The following DNAH7 variants were observed in gnomAD, a reference collection of about 807,000 sequenced individuals.
DNAH7 encodes dynein axonemal heavy chain 7.
A neutral mutation model predicts 444.6 loss-of-function variants in DNAH7; 397 were observed. That is an observed-to-expected ratio of 0.89 (90% CI 0.82 to 0.97). The LOEUF is 0.97. DNAH7 is among the 50% of genes least tolerant of loss of function. The pLI, the probability that DNAH7 is intolerant of heterozygous loss-of-function variation, is 0.00. For missense variants in DNAH7, 4,902 were observed against 4,800.8 expected (o/e 1.02, Z -0.62); for synonymous variants, 1,636 against 1,624.4 (o/e 1.01, Z -0.17).
chr2:195,959,156 T>C (rs1690903679), intron 18 of DNAH7, among the ~76,000 whole-genome samples: 1 of 152,180 alleles, frequency 6.6e-6, no homozygotes, highest in African/African-American at 2.4e-5. Context: ...ATCATTTAAG[T>C]GGTGCTCTGT....
At chr2:195,800,507 A>G (rs1267480797) in intron 54 of DNAH7, among the ~76,000 whole-genome samples, 3 of 152,336 alleles carry the variant, frequency 2.0e-5, no homozygotes, top group Non-Finnish European at 4.4e-5. Context: ...AATATATAGC[A>G]AAGCAAGGAA....
Position 195,965,528 on chromosome 2 carries a change from GAGT to G in DNAH7, c.2205+4417_2205+4419del, listed in dbSNP as rs575059938. 3.9e-4 allele frequency among the ~76,000 whole-genome samples: 59 copies of G among 152,254 alleles called. No individual in the cohort carries two copies. The South Asian group carries it at 0.012, about 32-fold the overall frequency. ...TCTCCTATATTTTTCAGAATAGTTTGAGTAGGATTGACATTAGTTCTTTTGTAA... is the reference window on the plus strand; with the variant it reads ...TCTCCTATATTTTTCAGAATAGTTTGAGGATTGACATTAGTTCTTTTGTAA... On this transcript the variant is annotated intron_variant, in intron 17 of 64. Coordinates refer to ENST00000312428, the MANE Select transcript of DNAH7 (RefSeq NM_018897.3).
intron 48 of DNAH7, among the ~76,000 whole-genome samples, chr2:195,824,732 G>T (rs543925848): frequency 2.0e-5 from 3 of 152,122 alleles, no homozygotes. Context: ...TTCACCAGGC[G>T]CCCAGGTATT....
chr2:195,946,662 CCTCA>C (rs1334728640), intron 19 of DNAH7, among the ~76,000 whole-genome samples: 1 of 152,020 alleles, frequency 6.6e-6, no homozygotes, highest in African/African-American at 2.4e-5. Flanking sequence ...GTTCTTTTAC[CCTCA>C]CTCTCTCTTT....
intron 56 of DNAH7, among the ~76,000 whole-genome samples, chr2:195,795,104 G>A (rs1290358186): frequency 6.6e-6 from 1 of 152,220 alleles, no homozygotes; most frequent in Non-Finnish European, 1.5e-5. Flanking sequence ...TGATAGGCCA[G>A]GCATGATGGC....
At chr2:195,845,974 A>G (rs960815293) in intron 46 of DNAH7, among the ~76,000 whole-genome samples, 25 of 152,386 alleles carry the variant, frequency 1.6e-4, no homozygotes, top group Middle Eastern at 3.4e-3. Flanking sequence ...AAGGATGCCA[A>G]AAACAATTGC....
chr2:195,745,628 G>T (rs941229625), intron 63 of DNAH7, among the ~76,000 whole-genome samples: 2 of 152,210 alleles, frequency 1.3e-5, no homozygotes, highest in Non-Finnish European at 2.9e-5. Context: ...ACCCACAAAG[G>T]GAAGCCCATC....
intron 63 of DNAH7, among the ~76,000 whole-genome samples, chr2:195,747,253 A>C (rs1221228016): frequency 2.0e-5 from 3 of 152,234 alleles, no homozygotes; most frequent in African/African-American, 7.2e-5. Flanking sequence ...ATCTAGAAGA[A>C]ATGGATAAAT....
chr2:195,802,177 T>C (rs1696493636), intron 54 of DNAH7, among the ~76,000 whole-genome samples: 1 of 152,210 alleles, frequency 6.6e-6, no homozygotes, highest in Non-Finnish European at 1.5e-5. Context: ...TAGATGTTAT[T>C]TTATGTTTCA....
chr2:195,867,603 C>T (rs1413946027), intron 40 of DNAH7, among the ~76,000 whole-genome samples: 2 of 152,134 alleles, frequency 1.3e-5, no homozygotes, highest in African/African-American at 2.4e-5. Flanking sequence ...TTACCACCAG[C>T]CCTGGCCAAC....
chr2:195,960,982 A>G (rs1691058820), intron 17 of DNAH7, 37 bp from the exon 18 acceptor site: 1 of 1,430,942 alleles, frequency 7.0e-7, no homozygotes, highest in Admixed American at 2.5e-5. Flanking sequence ...AGTTATTTTG[A>G]AAGTGAATGA....
Position 195,914,723 on chromosome 2 carries a change from GC to G in DNAH7, c.3936-4529del, listed in dbSNP as rs1288757848. Among the ~76,000 whole-genome samples the G allele has an allele frequency of 1.6e-4, 25 of 152,254 alleles. No individual in the cohort carries two copies. In the Middle Eastern group the frequency reaches 0.017, roughly 104 times the overall value. ...CTGTCACCCAGGCTGGAGTGCGGTGGCAAAATCTTGGCCCACTGCAACCTCT... is the reference window on the plus strand; with the variant it reads ...CTGTCACCCAGGCTGGAGTGCGGTGGAAAATCTTGGCCCACTGCAACCTCT... On this transcript the variant is annotated intron_variant, in intron 24 of 64. Transcript: ENST00000312428.
intron 19 of DNAH7, among the ~76,000 whole-genome samples, chr2:195,955,759 A>G (rs1690604792): frequency 6.6e-6 from 1 of 152,186 alleles, no homozygotes; most frequent in South Asian, 2.1e-4. Flanking sequence ...TTTTAAATAT[A>G]CTAACTAAAA....
In DNAH7 at chr2:195,864,920, A is replaced by C; in HGVS notation, c.6735T>G (p.Phe2245Leu). ...AATCCAAACGCTGAAAAAGCTCATG[A>C]AAATCTTCATACATGTAGTTTCTCA... ...EILRNYMYEDFHELFQRLDFD... is the reference protein window; with the variant it reads ...EILRNYMYEDLHELFQRLDFD... The change falls in exon 41 of 65, where the codon TTT becomes TTG. Residue 2245 changes from phenylalanine to leucine, a missense_variant. Phe to Leu is a conservative substitution (Grantham distance 22, BLOSUM62 0). Transcript: ENST00000312428. 1 of 1,612,844 alleles carries C rather than the reference A, an allele frequency of 6.2e-7. No homozygotes were observed. The highest frequency in any genetic ancestry group is 8.5e-7 in the Non-Finnish European group (1 of 1,180,018).
intron 51 of DNAH7, among the ~76,000 whole-genome samples, chr2:195,811,832 A>T (rs1224407881): frequency 1.3e-5 from 2 of 152,182 alleles, no homozygotes; most frequent in African/African-American, 4.8e-5. Flanking sequence ...TATGAGAGTA[A>T]GAGAAATCTG....
rs764100570 is a variant in DNAH7, at chr2:195,777,952, C to T, written c.10912G>A (p.Gly3638Ser). The T allele has an allele frequency of 6.2e-7, 1 of 1,613,976 alleles. No homozygotes were observed. Among genetic ancestry groups the T allele is most frequent in the Non-Finnish European group, 8.5e-7 (1 of 1,179,886 alleles). ...ACTCTGCCTCCGTAATTGCATTCGCCAGTCATGTACCGCAGAGCCTCATAC... is the reference window on the plus strand; with the variant it reads ...ACTCTGCCTCCGTAATTGCATTCGCTAGTCATGTACCGCAGAGCCTCATAC... ...LPYEALRYMT[G>S]ECNYGGRVTD... is the part of the protein sequence containing the mutation. Residue 3638 changes from glycine (G) to serine (S), a missense_variant, in exon 59 of 65, where the codon GGC (glycine) becomes AGC (serine). Physicochemically the swap from Gly to Ser is moderately conservative, Grantham distance 56 (BLOSUM62 0). Transcript: ENST00000312428.
rs1348388873 is a variant in DNAH7 at position 195,852,735 on chromosome 2, G to A, written c.8781+608C>T. Among the ~76,000 whole-genome samples, 4 of 152,150 alleles carry A rather than the reference G, an allele frequency of 2.6e-5. No individual in the cohort carries two copies. The East Asian group carries it at 7.7e-4, about 29-fold the overall frequency. ...GGCAGAATCAGTCAGAGAGGTGGGA[G>A]GCAAGGCAGGGAACGTGGGGTTTGT... On this transcript the variant is annotated intron_variant, in intron 46 of 64. Coordinates refer to ENST00000312428, the MANE Select transcript of DNAH7 (RefSeq NM_018897.3).
chr2:195,875,674 C>A lies in DNAH7; in HGVS notation c.6286+1G>T. The A allele has an allele frequency of 1.3e-6, 2 of 1,556,508 alleles. No individual in the cohort carries two copies. The highest frequency in any genetic ancestry group is 1.7e-6 in the Non-Finnish European group (2 of 1,152,052). On this transcript the variant is annotated splice_donor_variant, in intron 38 of 64. Coordinates refer to ENST00000312428, the MANE Select transcript of DNAH7 (RefSeq NM_018897.3). LOFTEE classifies it high-confidence loss of function. The stretch of plus-strand genomic sequence containing the variant: ...AGTAATCACAAACTCAAAAAATGTA[C>A]CTGGAGGTCCCATAGCACACATGAT...
At chr2:195,973,260 C>G (rs1214546138) in intron 15 of DNAH7, among the ~76,000 whole-genome samples, 1 of 152,130 alleles carries the variant, frequency 6.6e-6, no homozygotes, top group African/African-American at 2.4e-5. Context: ...TTCGTTAGTT[C>G]CAGTCCCCCT....
Sources: allele counts gnomAD v4.1 joint callset (sites outside exome capture counted in the v4.1 genomes callset), GRCh38; gene constraint gnomAD v4.1.1; transcripts MANE v1.5; gene names NCBI Gene and HGNC (gene_info 2026-07-23, HGNC 2026-07-21).